Variants in PIK3AP1 observed in about 807,000 individuals in gnomAD.
PIK3AP1 encodes phosphoinositide-3-kinase adaptor protein 1.
PIK3AP1 carries 21 observed loss-of-function variants against 88.1 expected under a neutral mutation model. The ratio of observed to expected loss-of-function variants is 0.24; its 90% CI spans 0.17 to 0.34. The LOEUF (loss-of-function observed/expected upper bound fraction) is 0.34, where lower values mean the gene tolerates loss of function less well. Among genes scored for constraint, PIK3AP1 ranks in the 10% least tolerant of loss-of-function variants. The pLI is 1.00. For synonymous variants in PIK3AP1, 398 were observed against 400.0 expected, an observed-to-expected ratio of 1.00 and a Z score of 0.06; for missense variants, 828 against 1,035.7, an observed-to-expected ratio of 0.80 and a Z score of 2.75.
chr10:96,595,773 T>A, intron 16 of PIK3AP1, 139 bp from the exon 17 acceptor site: 3 of 797,106 alleles, frequency 3.8e-6, no homozygotes, highest in Non-Finnish European at 6.2e-6. Context: ...TATGAATGTA[T>A]GAGTGACACG....
intron 13 of PIK3AP1, among the ~76,000 whole-genome samples, chr10:96,610,934 G>T (rs1301049121): frequency 6.6e-6 from 1 of 152,194 alleles, no homozygotes; most frequent in African/African-American, 2.4e-5. Flanking sequence ...TTGGGTAGAA[G>T]AGGTGTTAGC....
At chr10:96,657,891 C>A (rs766297555) in intron 2 of PIK3AP1, among the ~76,000 whole-genome samples, 1 of 151,926 alleles carries the variant, frequency 6.6e-6, no homozygotes, top group Non-Finnish European at 1.5e-5. Flanking sequence ...TGGTGAAACC[C>A]CGTCTCTACT....
intron 13 of PIK3AP1, among the ~76,000 whole-genome samples, chr10:96,616,276 G>T (rs1000045163): frequency 6.6e-6 from 1 of 152,140 alleles, no homozygotes; most frequent in African/African-American, 2.4e-5. Context: ...GGGTAAATGG[G>T]ATTTTCTCCT....
rs61858223 is a variant in PIK3AP1 at position 96,628,901 on chromosome 10, T to C, written c.1376-408A>G. Among the ~76,000 whole-genome samples, 178 of 20,178 alleles carry C rather than the reference T, an allele frequency of 8.8e-3. 21 individuals carry two copies. The highest frequency in any genetic ancestry group is 0.033 in the East Asian group (17 of 510). The allele number at this position is 20,178 out of a possible 152,430, so 13.2% of individuals were successfully genotyped here. A position where few individuals can be genotyped will look rare whatever the true frequency, so the allele number is the denominator to read the frequency against. ...ATATATATATATACATATATATATA[T>C]ATATATGTGTATATATATATATATA... On this transcript the variant is annotated intron_variant, in intron 8 of 16. Coordinates refer to ENST00000339364, the MANE Select transcript of PIK3AP1 (RefSeq NM_152309.3).
In PIK3AP1 at chr10:96,667,666, C is replaced by T. The variant is rs549051922; in HGVS notation, c.431-10732G>A. 4.6e-5 allele frequency among the ~76,000 whole-genome samples: 7 copies of T among 151,450 alleles called. No individual in the cohort carries two copies. In the South Asian group the frequency reaches 1.5e-3, roughly 32 times the overall value. On this transcript the variant is annotated intron_variant, in intron 2 of 16. Transcript: ENST00000339364. Reference sequence around the variant, plus strand: ...ACCAGGATGATTCTAGAGTGTACAGCGTCAAGTTGGATGATAAAGGATTTT... The same window carrying T: ...ACCAGGATGATTCTAGAGTGTACAGTGTCAAGTTGGATGATAAAGGATTTT...
chr10:96,683,033 G>A (rs1461118884), intron 2 of PIK3AP1, among the ~76,000 whole-genome samples: 3 of 152,158 alleles, frequency 2.0e-5, no homozygotes, highest in Non-Finnish European at 4.4e-5. Context: ...CCAGGATTTG[G>A]TCCAGTGTTA....
intron 7 of PIK3AP1, among the ~76,000 whole-genome samples, chr10:96,648,398 T>G (rs1843489456): frequency 6.6e-6 from 1 of 152,226 alleles, no homozygotes; most frequent in Non-Finnish European, 1.5e-5. Context: ...TATGATTATC[T>G]TCCTTCTGCA....
intron 13 of PIK3AP1, 27 bp from the exon 14 acceptor site, chr10:96,609,894 C>T: frequency 6.2e-7 from 1 of 1,612,454 alleles, no homozygotes; most frequent in Non-Finnish European, 8.5e-7. Context: ...GAGGGATAAG[C>T]TGTCAAGATA....
intron 16 of PIK3AP1, among the ~76,000 whole-genome samples, chr10:96,598,014 A>G (rs916781007): frequency 6.8e-6 from 1 of 146,332 alleles, no homozygotes; most frequent in Non-Finnish European, 1.5e-5. Flanking sequence ...CAGACCTATA[A>G]TTATAGTGGG....
At chr10:96,668,882 C>A (rs1360962086) in intron 2 of PIK3AP1, among the ~76,000 whole-genome samples, 1 of 152,114 alleles carries the variant, frequency 6.6e-6, no homozygotes, top group Non-Finnish European at 1.5e-5. Flanking sequence ...GTAATCCCAG[C>A]ACTTTGGGAG....
Position 96,720,264 on chromosome 10 carries a change from G to GT in PIK3AP1, c.13+117_13+118insA. ...GGGAACATAGAAAAGAGCAGAAAGA[G>GT]GGCAAGATCCCCGCACAGAGGACGC... On this transcript the variant is annotated intron_variant, in intron 1 of 16. Transcript: ENST00000339364. The surrounding 1 kb of genome is among the most constrained non-coding windows in gnomAD (Gnocchi z 4.6). 9.7e-7 allele frequency: 1 copy of GT among 1,029,596 alleles called. No individual in the cohort carries two copies. The highest frequency in any genetic ancestry group is 1.3e-6 in the Non-Finnish European group (1 of 799,712). The allele number at this position is 1,029,596 out of a possible 1,614,324, so 63.8% of individuals were successfully genotyped here. A position where few individuals can be genotyped will look rare whatever the true frequency, so the allele number is the denominator to read the frequency against.
intron 3 of PIK3AP1, among the ~76,000 whole-genome samples, chr10:96,653,479 C>CTTTTTTTTT (rs748930022): frequency 1.5e-4 from 9 of 61,810 alleles, no homozygotes; most frequent in African/African-American, 1.8e-4. Flanking sequence ...ACTTTATACA[C>CTTTTTTTTT]TTTTTTTTTT....
rs763923650 is a variant in PIK3AP1 at position 96,711,739 on chromosome 10, ATTTTTTTTTT to A, written c.14-1766_14-1757del. On this transcript the variant is annotated intron_variant, in intron 1 of 16. Transcript: ENST00000339364. ...ATTTCCCCCAGGATGAGATTACCAA[ATTTTTTTTTT>A]TTTTTTTTTTTTTTTTTTTTAGACG... 2.1e-3 allele frequency among the ~76,000 whole-genome samples: 141 copies of A among 66,456 alleles called. 3 individuals are homozygous for A. The highest frequency in any genetic ancestry group is 9.2e-3 in the African/African-American group (131 of 14,264). The allele number at this position is 66,456 out of a possible 152,430, so 43.6% of individuals were successfully genotyped here.
chr10:96,700,130 C>A (rs993803694), intron 2 of PIK3AP1, among the ~76,000 whole-genome samples: 1 of 152,192 alleles, frequency 6.6e-6, no homozygotes, highest in Non-Finnish European at 1.5e-5. Context: ...ACTCCCTTTT[C>A]CCCGTGGCTC....
chr10:96,663,458 C>T (rs765521557), intron 2 of PIK3AP1, among the ~76,000 whole-genome samples: 6 of 151,206 alleles, frequency 4.0e-5, no homozygotes, highest in African/African-American at 7.3e-5. Context: ...GGTGAAACTC[C>T]GTCTCTACTA....
chr10:96,651,095 C>T (rs906692557), intron 6 of PIK3AP1, among the ~76,000 whole-genome samples, 153 bp downstream of exon 6: 2 of 152,214 alleles, frequency 1.3e-5, no homozygotes, highest in African/African-American at 4.8e-5. Context: ...TGAGGCTAAC[C>T]AGTCAAGAAT....
chr10:96,620,923 G>T lies in PIK3AP1; in HGVS notation c.1736-366C>A, dbSNP rs542009241. ...CTGCGTCTTCTGCTTAGAGACTCTGGTGTGGGTCTTGAGAGATGGTCAGTG... is the reference window on the plus strand; with the variant it reads ...CTGCGTCTTCTGCTTAGAGACTCTGTTGTGGGTCTTGAGAGATGGTCAGTG... On this transcript the variant is annotated intron_variant, in intron 11 of 16. Transcript: ENST00000339364. 15 of 214,580 alleles carry T rather than the reference G, an allele frequency of 7.0e-5. No homozygotes were observed. In the Admixed American group the frequency reaches 7.7e-4, roughly 11 times the overall value. The allele number at this position is 214,580 out of a possible 1,614,324, so 13.3% of individuals were successfully genotyped here.
intron 4 of PIK3AP1, among the ~76,000 whole-genome samples, chr10:96,652,477 G>A (rs1843552448): frequency 1.1e-4 from 17 of 152,112 alleles, no homozygotes; most frequent in Admixed American, 1.1e-3. Flanking sequence ...GGAGGCTGAG[G>A]CAGGAGAATG....
chr10:96,645,026 T>A (rs1423102777), intron 8 of PIK3AP1, among the ~76,000 whole-genome samples: 1 of 152,212 alleles, frequency 6.6e-6, no homozygotes, highest in Non-Finnish European at 1.5e-5. Context: ...TGCAGGCATG[T>A]TTGAGTATGT....
Sources: gnomAD v4.1 joint callset for allele counts (sites outside exome capture counted in the v4.1 genomes callset) on GRCh38, gnomAD v4.1.1 for gene constraint, Gnocchi (gnomAD v3.1) non-coding constraint, MANE v1.5 for transcripts, NCBI Gene and HGNC (gene_info 2026-07-23, HGNC 2026-07-21) for gene names.